Variants in DNAH12 observed in about 807,000 individuals in gnomAD.
DNAH12 encodes the protein dynein axonemal heavy chain 12, also known as axonemal beta dynein heavy chain 12.
DNAH12 carries 285 observed loss-of-function variants against 371.5 expected under a neutral mutation model. The ratio of observed to expected loss-of-function variants is 0.77; its 90% CI spans 0.70 to 0.85. The LOEUF is 0.85. Ranked by LOEUF, DNAH12 falls within the 40% of genes least tolerant of loss-of-function variation. The pLI, the probability that DNAH12 is intolerant of heterozygous loss-of-function variation, is 0.00. For missense variants in DNAH12, 3,611 were observed against 3,689.4 expected (o/e 0.98, Z 0.55); for synonymous variants, 1,200 against 1,213.0 (o/e 0.99, Z 0.22).
Position 57,386,500 on chromosome 3 carries a change from T to A in DNAH12, c.7543A>T (p.Met2515Leu), listed in dbSNP as rs1308064481. 1.3e-5 allele frequency: 2 copies of A among 152,240 alleles called. No individual in the cohort carries two copies. The highest frequency in any genetic ancestry group is 2.9e-5 in the Non-Finnish European group (2 of 68,052). 9.4% of individuals were successfully genotyped at this position (152,240 alleles called of 1,614,324 possible). Residue 2515 changes from methionine (M) to leucine (L), a missense_variant, in exon 47 of 74, where the codon ATG (methionine) becomes TTG (leucine). By Grantham distance (15) the Met-to-Leu change is conservative. This residue lies in a region of DNAH12 where 2,266 missense variants were observed against 2,236.9 expected (regional missense o/e 1.01). Transcript: ENST00000495027. ...QLLTQKRQAV[M>L]EAKQRYMNGL... is the part of the protein sequence containing the mutation. ...TTCATGTATCGTTGTTTTGCTTCCATGACAGCTTGTCGCTTCTGTGTCAAA... is the reference window on the plus strand; with the variant it reads ...TTCATGTATCGTTGTTTTGCTTCCAAGACAGCTTGTCGCTTCTGTGTCAAA...
chr3:57,452,847 G>C lies in DNAH12; in HGVS notation c.3782C>G (p.Thr1261Arg). 1 of 1,542,610 alleles carries C rather than the reference G, an allele frequency of 6.5e-7. No individual in the cohort carries two copies. The highest frequency in any genetic ancestry group is 8.7e-7 in the Non-Finnish European group (1 of 1,144,574). Reference sequence around the variant, plus strand: ...TAAGATAATTTAAATGCATACCAATGTTCTGTAACACCTGTCAGTTAGAGG... The same window carrying C: ...TAAGATAATTTAAATGCATACCAATCTTCTGTAACACCTGTCAGTTAGAGG... ...ITPLTDRCYR[T>R]LIGAFYLNLG... Residue 1261 changes from threonine (T) to arginine (R), a missense_variant, in exon 25 of 74, where the codon ACA (threonine) becomes AGA (arginine). Physicochemically the swap from Thr to Arg is moderately conservative, Grantham distance 71. Coordinates refer to ENST00000495027, the MANE Select transcript of DNAH12 (RefSeq NM_001366028.2).
Position 57,468,892 on chromosome 3 carries a change from T to C in DNAH12, c.2193A>G (p.Leu731=). 6.5e-7 allele frequency: 1 copy of C among 1,529,316 alleles called. No homozygotes were observed. Among genetic ancestry groups the C allele is most frequent in the South Asian group, 1.3e-5 (1 of 79,612 alleles). The allele number at this position is 1,529,316 out of a possible 1,614,324, so 94.7% of individuals were successfully genotyped here. A position where few individuals can be genotyped will look rare whatever the true frequency, so the allele number is the denominator to read the frequency against. The change falls in exon 17 of 74, where the codon CTA becomes CTG. Residue 731 remains leucine (L), a synonymous_variant. Transcript: ENST00000495027. ...EEFSREIFKT[L]KFFQTKLKKE... is the part of the protein sequence containing the mutation. ...TCTTTAGCTTCGTTTGGAAAAATTT[T>C]AGTGTCTTAAAAATTTCTCGGGAAA...
chr3:57,337,830 T>G (rs985308431), intron 60 of DNAH12, among the ~76,000 whole-genome samples: 7 of 152,116 alleles, frequency 4.6e-5, no homozygotes, highest in African/African-American at 1.7e-4. Context: ...AGACAGAAAG[T>G]CAACAAAGAA....
intron 43 of DNAH12, among the ~76,000 whole-genome samples, chr3:57,401,135 A>C (rs2063848366): frequency 6.6e-6 from 1 of 152,192 alleles, no homozygotes; most frequent in Admixed American, 6.5e-5. Context: ...TCAAAGAAGA[A>C]ATCACAAGGG....
chr3:57,533,502 C>T (rs2153400984), intron 2 of DNAH12, among the ~76,000 whole-genome samples: 1 of 150,912 alleles, frequency 6.6e-6, no homozygotes, highest in Middle Eastern at 3.7e-3. Context: ...TCAAGGCCCA[C>T]AGTGTACTAC....
At chr3:57,384,473 TA>T (rs1322159663) in intron 49 of DNAH12, among the ~76,000 whole-genome samples, 3 of 150,632 alleles carry the variant, frequency 2.0e-5, no homozygotes, top group Admixed American at 6.6e-5. Flanking sequence ...CCTGTCTCTA[TA>T]AAAAAAAATG....
chr3:57,334,292 T>C (rs1458886143), intron 62 of DNAH12, among the ~76,000 whole-genome samples, 173 bp downstream of exon 62: 1 of 152,182 alleles, frequency 6.6e-6, no homozygotes, highest in African/African-American at 2.4e-5. Context: ...ACCAAAAATA[T>C]TCCTAAATTG....
In DNAH12 at chr3:57,345,516, A is replaced by G. The variant is rs564401798; in HGVS notation, c.9674+6569T>C. 4.6e-5 allele frequency among the ~76,000 whole-genome samples: 7 copies of G among 152,256 alleles called. No individual in the cohort carries two copies. The East Asian group carries it at 1.3e-3, about 29-fold the overall frequency. On this transcript the variant is annotated intron_variant, in intron 60 of 73. Coordinates refer to ENST00000495027, the MANE Select transcript of DNAH12 (RefSeq NM_001366028.2). Reference sequence around the variant, plus strand: ...GAGATCACTTTTTACTGCCATACCCAATGTACTGAAGAGATGAACTGCTCT... The same window carrying G: ...GAGATCACTTTTTACTGCCATACCCGATGTACTGAAGAGATGAACTGCTCT...
intron 37 of DNAH12, among the ~76,000 whole-genome samples, chr3:57,416,650 A>C (rs1014835783): frequency 6.6e-6 from 1 of 152,150 alleles, no homozygotes; most frequent in Non-Finnish European, 1.5e-5. Flanking sequence ...TTTGTGAGAG[A>C]TGGAATGACA....
intron 60 of DNAH12, among the ~76,000 whole-genome samples, chr3:57,339,476 A>T (rs1226032203): frequency 1.3e-5 from 2 of 152,040 alleles, no homozygotes; most frequent in Non-Finnish European, 2.9e-5. Flanking sequence ...TTGTTAAAGG[A>T]TACAAAAATT....
At chr3:57,499,673 T>TATATATATATATACACACAC (rs771112538) in intron 11 of DNAH12, among the ~76,000 whole-genome samples, 17 of 44,444 alleles carry the variant, frequency 3.8e-4, no homozygotes, top group South Asian at 1.2e-3. Flanking sequence ...TATATATATA[T>TATATATATATATACACACAC]ATACTTCTTA....
intron 12 of DNAH12, 115 bp downstream of exon 12, chr3:57,489,394 A>G: frequency 9.0e-7 from 1 of 1,105,356 alleles, no homozygotes. Flanking sequence ...GCAGCTATGG[A>G]GAAAAAGTTG....
At chr3:57,443,004 C>T (rs2065356962) in intron 29 of DNAH12, among the ~76,000 whole-genome samples, 1 of 152,200 alleles carries the variant, frequency 6.6e-6, no homozygotes, top group Non-Finnish European at 1.5e-5. Context: ...GTACATTTCA[C>T]AATAGAAATT....
rs1553683722 is a variant in DNAH12, at chr3:57,413,741, G to C, written c.6020+5C>G. ...TCAGCATAACTTATCGAATTAAATA[G>C]TTACCAATGTCCACAGTCAAAAAAC... On this transcript the variant is annotated splice_donor_5th_base_variant and intron_variant, in intron 39 of 73. Transcript: ENST00000495027. 2.6e-6 allele frequency: 4 copies of C among 1,548,336 alleles called. No individual in the cohort carries two copies. In the African/African-American group the frequency reaches 4.1e-5, roughly 16 times the overall value.
At chr3:57,516,218 C>A (rs1032541798) in intron 4 of DNAH12, among the ~76,000 whole-genome samples, 2 of 151,956 alleles carry the variant, frequency 1.3e-5, no homozygotes, top group African/African-American at 4.8e-5. Flanking sequence ...CGTGGGCCAC[C>A]ATGCCCGGCT....
Position 57,450,307 on chromosome 3 carries a change from G to A in DNAH12, c.3786+2536C>T, listed in dbSNP as rs1055152666. 2.0e-5 allele frequency among the ~76,000 whole-genome samples: 3 copies of A among 148,126 alleles called. No homozygotes were observed. The Admixed American group carries it at 2.0e-4, about 10-fold the overall frequency. On this transcript the variant is annotated intron_variant, in intron 25 of 73. Transcript: ENST00000495027. ...CTCATGCCTGTAATCCCAGCACTTT[G>A]GGAGGCTGAGGTGGGCAGATCACCT...
intron 4 of DNAH12, among the ~76,000 whole-genome samples, chr3:57,511,291 G>C (rs550463246): frequency 2.0e-5 from 3 of 151,732 alleles, no homozygotes; most frequent in Non-Finnish European, 4.4e-5. Flanking sequence ...TATATCCACC[G>C]ATTCAACAAA....
At chr3:57,331,851 T>G (rs2062105346) in intron 62 of DNAH12, among the ~76,000 whole-genome samples, 1 of 152,116 alleles carries the variant, frequency 6.6e-6, no homozygotes, top group Non-Finnish European at 1.5e-5. Flanking sequence ...GAGAGTCCCC[T>G]ACCCTCTACA....
chr3:57,461,346 T>C (rs980757986), intron 19 of DNAH12, 143 bp downstream of exon 19: 5 of 635,394 alleles, frequency 7.9e-6, no homozygotes, highest in Non-Finnish European at 1.3e-5. Flanking sequence ...TTTTATGAAA[T>C]AAAATATCAA....
Sources: gnomAD v4.1 joint callset for allele counts (sites outside exome capture counted in the v4.1 genomes callset) on GRCh38, gnomAD v4.1.1 for gene constraint, gnomAD v4.1.1 regional missense constraint, MANE v1.5 for transcripts, NCBI Gene and HGNC (gene_info 2026-07-23, HGNC 2026-07-21) for gene names.